The following CTNNA3 variants were observed in gnomAD, a reference collection of about 807,000 sequenced individuals.
CTNNA3 encodes catenin alpha-3.
A neutral mutation model predicts 95.7 loss-of-function variants in CTNNA3; 76 were observed. The observed-to-expected ratio is 0.79, with a 90% confidence interval of 0.66 to 0.96. The LOEUF (loss-of-function observed/expected upper bound fraction) is 0.96. Ranked by LOEUF, CTNNA3 falls within the 40% of genes least tolerant of loss-of-function variation. The probability of loss-of-function intolerance (pLI) is 0.00; values close to 1 mark genes in which losing one functional copy is unlikely to be tolerated. For missense variants in CTNNA3, 1,191 were observed against 1,089.8 expected (o/e 1.09, Z -1.31); for synonymous variants, 431 against 374.4 (o/e 1.15, Z -1.74).
At chr10:67,329,590 T>C (rs1248165543) in intron 5 of CTNNA3, among the ~76,000 whole-genome samples, 2 of 152,210 alleles carry the variant, frequency 1.3e-5, no homozygotes, top group African/African-American at 2.4e-5. Flanking sequence ...ATGTAGAATA[T>C]ACATACATAT....
At chr10:66,806,756 A>ATATGTGTGTGTG (rs1359507202) in intron 7 of CTNNA3, among the ~76,000 whole-genome samples, 20 of 145,830 alleles carry the variant, frequency 1.4e-4, no homozygotes, top group African/African-American at 4.8e-4. Flanking sequence ...TGTGGCATAT[A>ATATGTGTGTGTG]TGTGTGTGTG....
chr10:66,019,691 C>G (rs1465455950), intron 15 of CTNNA3, among the ~76,000 whole-genome samples: 1 of 151,520 alleles, frequency 6.6e-6, no homozygotes, highest in Non-Finnish European at 1.5e-5. Context: ...TGATAAAAGT[C>G]AAGGAGAAAT....
chr10:66,534,808 T>C (rs1172271352), intron 10 of CTNNA3, among the ~76,000 whole-genome samples: 1 of 151,552 alleles, frequency 6.6e-6, no homozygotes, highest in East Asian at 1.9e-4. Context: ...TGAATTACTA[T>C]ATTAAAATTA....
intron 7 of CTNNA3, among the ~76,000 whole-genome samples, chr10:66,876,837 A>C (rs1844642656): frequency 6.6e-6 from 1 of 152,108 alleles, no homozygotes; most frequent in African/African-American, 2.4e-5. Flanking sequence ...ATAAGGAGGA[A>C]AAAGGTAACT....
At position 65,919,810 on chromosome 10, in the gene CTNNA3, G is replaced by GT. The variant is rs1366325763; in HGVS notation, c.*519dup. The GT allele has an allele frequency of 1.3e-5, 2 of 153,692 alleles. No homozygotes were observed. The highest frequency in any genetic ancestry group is 2.4e-5 in the African/African-American group (1 of 41,436). 9.5% of individuals were successfully genotyped at this position (153,692 alleles called of 1,614,324 possible). On this transcript the variant is annotated 3_prime_UTR_variant, in exon 18 of 18. Coordinates refer to ENST00000433211, the MANE Select transcript of CTNNA3 (RefSeq NM_013266.4). ...ACAGCTATCTAGAGATTAAAAGGTG[G>GT]TTTTTTTGCTATGGCAGGAATCATA...
intron 12 of CTNNA3, among the ~76,000 whole-genome samples, chr10:66,316,715 C>T (rs2132275370): frequency 6.6e-6 from 1 of 152,106 alleles, no homozygotes; most frequent in South Asian, 2.1e-4. Context: ...TTGATTTTCT[C>T]CCCCTATCAT....
At chr10:66,928,994 C>A (rs1847226006) in intron 7 of CTNNA3, among the ~76,000 whole-genome samples, 4 of 152,150 alleles carry the variant, frequency 2.6e-5, no homozygotes, top group Admixed American at 1.3e-4. Context: ...AGGAAACTAT[C>A]AAAAGATGGT....
At chr10:67,356,662 G>A (rs9415871) in intron 5 of CTNNA3, among the ~76,000 whole-genome samples, 135,012 of 151,998 alleles carry the variant, frequency 0.89, 61,071 homozygotes, top group East Asian at 1. Flanking sequence ...TCCAGCTCAC[G>A]CCCTCTCATT....
intron 5 of CTNNA3, among the ~76,000 whole-genome samples, chr10:67,311,773 A>G (rs76742174): frequency 0.045 from 6,898 of 152,256 alleles, 211 homozygotes; most frequent in South Asian, 0.1. Context: ...GCATAAAACT[A>G]TCCCATAATC....
chr10:67,485,354 A>G (rs1389162151), intron 5 of CTNNA3, among the ~76,000 whole-genome samples: 2 of 152,162 alleles, frequency 1.3e-5, no homozygotes, highest in African/African-American at 4.8e-5. Flanking sequence ...GGTTAGAGGA[A>G]GAAGAGGAGT....
Position 66,069,424 on chromosome 10 carries a change from C to G in CTNNA3, c.2043G>C (p.Lys681Asn). The G allele has an allele frequency of 6.2e-7, 1 of 1,613,568 alleles. No individual in the cohort carries two copies. Among genetic ancestry groups the G allele is most frequent in the Non-Finnish European group, 8.5e-7 (1 of 1,179,720 alleles). ...CAGCATCCAGCTTACTCTTTACTTT[C>G]TTGAAATCAGCAACTTGCTCAGCAA... ...EKIAEQVADF[K>N]KVKSKLDAEI... Residue 681 changes from lysine to asparagine, a missense_variant, in exon 15 of 18, where the codon AAG becomes AAC. Transcript: ENST00000433211.
intron 5 of CTNNA3, among the ~76,000 whole-genome samples, chr10:67,244,401 A>T (rs1865831061): frequency 1.3e-5 from 2 of 152,242 alleles, no homozygotes; most frequent in South Asian, 4.1e-4. Context: ...CAGAAAGTTA[A>T]ATTAGTGCTC....
chr10:67,589,453 T>C (rs1842730294), intron 3 of CTNNA3, among the ~76,000 whole-genome samples: 2 of 151,278 alleles, frequency 1.3e-5, no homozygotes, highest in African/African-American at 4.8e-5. Context: ...GAAAAAGGCA[T>C]AGGAAAATAG....
chr10:66,194,345 C>T (rs558752787), intron 13 of CTNNA3, among the ~76,000 whole-genome samples: 37 of 152,192 alleles, frequency 2.4e-4, no homozygotes, highest in African/African-American at 8.7e-4. Context: ...TTTGGGCGGC[C>T]GAGGCAGCCA....
chr10:66,077,586 A>G (rs761135365), intron 14 of CTNNA3, among the ~76,000 whole-genome samples: 1 of 151,838 alleles, frequency 6.6e-6, no homozygotes, highest in Non-Finnish European at 1.5e-5. Flanking sequence ...ACATAGATAA[A>G]TTTCATTCAG....
At chr10:66,636,538 A>G (rs1043107868) in intron 9 of CTNNA3, among the ~76,000 whole-genome samples, 3 of 152,170 alleles carry the variant, frequency 2.0e-5, no homozygotes. Context: ...TTCTATTTGC[A>G]CAAGGTTAAA....
At chr10:66,589,448 A>G (rs2132224212) in intron 10 of CTNNA3, among the ~76,000 whole-genome samples, 1 of 152,234 alleles carries the variant, frequency 6.6e-6, no homozygotes, top group East Asian at 1.9e-4. Flanking sequence ...TAGACATGAG[A>G]AAAACCAATA....
chr10:67,625,384 A>G (rs548765773), intron 2 of CTNNA3, among the ~76,000 whole-genome samples: 6 of 152,270 alleles, frequency 3.9e-5, no homozygotes, highest in African/African-American at 1.2e-4. Context: ...GTCCTTTGCT[A>G]TATTAGACTT....
chr10:67,001,814 C>T (rs778823422), intron 7 of CTNNA3, among the ~76,000 whole-genome samples: 3 of 152,092 alleles, frequency 2.0e-5, no homozygotes, highest in Non-Finnish European at 2.9e-5. Flanking sequence ...AGAAACCCAC[C>T]AGTTTCTACT....
Sources: gnomAD v4.1 joint callset for allele counts (sites outside exome capture counted in the v4.1 genomes callset) on GRCh38, gnomAD v4.1.1 for gene constraint, MANE v1.5 for transcripts, NCBI Gene and HGNC (gene_info 2026-07-23, HGNC 2026-07-21) for gene names.